The following KDM5B variants were observed in gnomAD, a reference collection of about 807,000 sequenced individuals.
The protein encoded by KDM5B is lysine-specific demethylase 5B.
A neutral mutation model predicts 193.4 loss-of-function variants in KDM5B; 144 were observed. That is an observed-to-expected ratio of 0.74 (90% confidence interval 0.65 to 0.86). The LOEUF is 0.86. Among genes scored for constraint, KDM5B ranks in the 40% least tolerant of loss-of-function variants. KDM5B has a pLI of 0.00. For missense variants in KDM5B, 1,833 were observed against 1,886.9 expected (o/e 0.97, Z 0.53); for synonymous variants, 668 against 682.6 (o/e 0.98, Z 0.33).
At chr1:202,758,994 T>C (rs536243143) in intron 8 of KDM5B, 1 of 152,946 alleles carries the variant, frequency 6.5e-6, no homozygotes, top group African/African-American at 2.4e-5. Context: ...GCCTTAGATC[T>C]TTGTGAGCCA....
chr1:202,742,531 C>A, intron 17 of KDM5B, 26 bp from the exon 18 acceptor site: 1 of 1,607,538 alleles, frequency 6.2e-7, no homozygotes, highest in South Asian at 1.1e-5. Context: ...CCCAAGGAAG[C>A]CATATAAGAA....
intron 2 of KDM5B, among the ~76,000 whole-genome samples, chr1:202,775,251 T>C (rs1373916634): frequency 6.7e-6 from 1 of 149,254 alleles, no homozygotes; most frequent in Non-Finnish European, 1.5e-5. Flanking sequence ...TAATAATAAT[T>C]ATACGACTGG....
intron 12 of KDM5B, among the ~76,000 whole-genome samples, chr1:202,751,721 T>C (rs1393747914): frequency 6.6e-6 from 1 of 152,236 alleles, no homozygotes; most frequent in Non-Finnish European, 1.5e-5. Context: ...ATAAACATTA[T>C]CTTTTACTTC....
intron 1 of KDM5B, among the ~76,000 whole-genome samples, chr1:202,801,139 A>G (rs1658055512): frequency 6.6e-6 from 1 of 152,208 alleles, no homozygotes; most frequent in African/African-American, 2.4e-5. Context: ...AGCTAAAGTA[A>G]CTATTCTTTA....
chr1:202,784,870 CA>C (rs941983117), intron 1 of KDM5B, among the ~76,000 whole-genome samples: 3 of 152,026 alleles, frequency 2.0e-5, no homozygotes, highest in African/African-American at 7.2e-5. Flanking sequence ...CAAGTCTCTA[CA>C]AAAAATACAA....
chr1:202,733,927 C>G lies in KDM5B; in HGVS notation c.3424-41G>C, dbSNP rs1654997590. 6 of 1,559,748 alleles carry G rather than the reference C, an allele frequency of 3.8e-6. No homozygotes were observed. The African/African-American group carries it at 4.1e-5, about 11-fold the overall frequency. ...CAATCAAGGATGATGTCCGAGATGG[C>G]TTGGCCTTCCCCTAAAACTCAGAGT... On this transcript the variant is annotated intron_variant, in intron 22 of 26. Coordinates refer to ENST00000367265, the MANE Select transcript of KDM5B (RefSeq NM_006618.5).
Position 202,726,402 on chromosome 1 carries a change from A to T in KDM5B, c.*2634T>A, listed in dbSNP as rs536012125. On this transcript the variant is annotated 3_prime_UTR_variant, in exon 27 of 27. Coordinates refer to ENST00000367265, the MANE Select transcript of KDM5B (RefSeq NM_006618.5). Reference sequence around the variant, plus strand: ...CCTTTCTCCAGGATAGAGGCTACATATAATCAAGCCCTTTATTCTATATAA... The same window carrying T: ...CCTTTCTCCAGGATAGAGGCTACATTTAATCAAGCCCTTTATTCTATATAA... 10 of 152,372 alleles carry T rather than the reference A, an allele frequency of 6.6e-5. No homozygotes were observed. Among genetic ancestry groups the T allele is most frequent in the African/African-American group, 2.2e-4 (9 of 41,590 alleles). 9.4% of individuals were successfully genotyped at this position (152,372 alleles called of 1,614,324 possible). A position where few individuals can be genotyped will look rare whatever the true frequency, so the allele number is the denominator to read the frequency against.
intron 20 of KDM5B, among the ~76,000 whole-genome samples, chr1:202,736,638 GTGT>G (rs1317525819): frequency 1.3e-5 from 2 of 151,714 alleles, no homozygotes; most frequent in Non-Finnish European, 2.9e-5. Context: ...GGTGGTGGTA[GTGT>G]TGTTTTTTTT....
At chr1:202,767,158 T>C (rs1165640429) in intron 4 of KDM5B, 98 bp from the exon 5 acceptor site, 7 of 1,574,604 alleles carry the variant, frequency 4.4e-6, no homozygotes, top group Non-Finnish European at 6.1e-6. Flanking sequence ...AGTTCGAGTT[T>C]GATCTACTTC....
intron 11 of KDM5B, among the ~76,000 whole-genome samples, chr1:202,753,664 GTTTTTTTTTTGTTT>G: frequency 9.4e-6 from 1 of 105,826 alleles, no homozygotes; most frequent in African/African-American, 2.9e-5. Context: ...TGTTGTTGTT[GTTTTTTTTTTGTTT>G]TTTTTTTTTG....
intron 1 of KDM5B, among the ~76,000 whole-genome samples, chr1:202,780,168 GTTTATT>G (rs1657142918): frequency 2.6e-5 from 4 of 151,518 alleles, no homozygotes; most frequent in Admixed American, 6.6e-5. Flanking sequence ...CAGCAGTTTT[GTTTATT>G]TTTATTTTAT....
intron 18 of KDM5B, 28 bp from the exon 19 acceptor site, chr1:202,741,750 T>A: frequency 1.5e-6 from 2 of 1,336,186 alleles, no homozygotes; most frequent in Non-Finnish European, 2.1e-6. Context: ...GGTTGTTGCA[T>A]TAAAACAGTA....
At chr1:202,735,736 T>TC (rs1217874283) in intron 21 of KDM5B, 149 bp from the exon 22 acceptor site, 1 of 646,582 alleles carries the variant, frequency 1.5e-6, no homozygotes, top group African/African-American at 1.8e-5. Flanking sequence ...CCTGAGGCTC[T>TC]CCTTTACAAA....
intron 16 of KDM5B, 31 bp from the exon 17 acceptor site, chr1:202,742,836 G>A (rs1655402526): frequency 1.3e-6 from 2 of 1,595,144 alleles, no homozygotes; most frequent in South Asian, 1.1e-5. Flanking sequence ...CATATTTTCT[G>A]TAATCATTAT....
chr1:202,756,190 T>C (rs536051588), intron 10 of KDM5B, among the ~76,000 whole-genome samples, 168 bp downstream of exon 10: 40 of 152,308 alleles, frequency 2.6e-4, no homozygotes, highest in Admixed American at 3.9e-4. Flanking sequence ...GACCACAACA[T>C]AGTGACATAG....
chr1:202,766,636 T>C lies in KDM5B; in HGVS notation c.711+290A>G, dbSNP rs113331360. ...AACAACGCCAATTTTGTGAGGGTAA[T>C]GGGCAATCCAAGTAGGAACACAGGA... On this transcript the variant is annotated intron_variant, in intron 5 of 26. Coordinates refer to ENST00000367265, the MANE Select transcript of KDM5B (RefSeq NM_006618.5). 49 of 474,330 alleles carry C rather than the reference T, an allele frequency of 1.0e-4. 2 individuals carry two copies. Among genetic ancestry groups the C allele is most frequent in the African/African-American group, 5.5e-4 (27 of 49,368 alleles). The allele number at this position is 474,330 out of a possible 1,614,324, so 29.4% of individuals were successfully genotyped here. A position where few individuals can be genotyped will look rare whatever the true frequency, so the allele number is the denominator to read the frequency against.
intron 1 of KDM5B, among the ~76,000 whole-genome samples, chr1:202,785,343 A>G (rs890447953): frequency 3.3e-5 from 5 of 152,064 alleles, no homozygotes; most frequent in African/African-American, 4.8e-5. Context: ...AACCTCCTCT[A>G]TATTTTCCCA....
rs1416532443 is a variant in KDM5B, at chr1:202,725,797, A to G, written c.*3239T>C. On this transcript the variant is annotated 3_prime_UTR_variant, in exon 27 of 27. Transcript: ENST00000367265. ...TGACTCTTAAAATCCTTGTTGTCCA[A>G]TTCTGTCTCCTGTTACAGGTATATA... 6.6e-6 allele frequency: 1 copy of G among 152,224 alleles called. No individual in the cohort carries two copies. Among genetic ancestry groups the G allele is most frequent in the Non-Finnish European group, 1.5e-5 (1 of 68,042 alleles). The allele number at this position is 152,224 out of a possible 1,614,324, so 9.4% of individuals were successfully genotyped here.
rs780476494 is a variant in KDM5B at position 202,725,437 on chromosome 1, CA to C, written c.*3598del. ...ATAATAAGTTACACATGAAGCCTCC[CA>C]AAAGAAAGCTGAGAAGCTTAAAATA... On this transcript the variant is annotated 3_prime_UTR_variant, in exon 27 of 27. Coordinates refer to ENST00000367265, the MANE Select transcript of KDM5B (RefSeq NM_006618.5). 3.9e-5 allele frequency: 6 copies of C among 152,156 alleles called. No homozygotes were observed. The highest frequency in any genetic ancestry group is 7.3e-5 in the Non-Finnish European group (5 of 68,048). 9.4% of individuals were successfully genotyped at this position (152,156 alleles called of 1,614,324 possible).
Sources: allele counts gnomAD v4.1 joint callset (sites outside exome capture counted in the v4.1 genomes callset), GRCh38; gene constraint gnomAD v4.1.1; transcripts MANE v1.5; gene names NCBI Gene and HGNC (gene_info 2026-07-23, HGNC 2026-07-21).